Variants in SLIT3 observed in about 807,000 individuals in gnomAD.
SLIT3 encodes slit homolog 3 protein.
SLIT3 carries 68 observed loss-of-function variants against 184.0 expected under a neutral mutation model. The ratio of observed to expected loss-of-function variants is 0.37; its 90% CI spans 0.30 to 0.45. The LOEUF is 0.45. Among genes scored for constraint, SLIT3 ranks in the 20% least tolerant of loss-of-function variants. The probability of loss-of-function intolerance (pLI) is 1.00; values close to 1 mark genes in which losing one functional copy is unlikely to be tolerated. For synonymous variants in SLIT3, 831 were observed against 828.6 expected (o/e 1.00, Z -0.05); for missense variants, 1,707 against 2,026.0 (o/e 0.84, Z 3.02).
intron 5 of SLIT3, among the ~76,000 whole-genome samples, chr5:168,882,379 TAGG>T (rs1211972790): frequency 6.6e-6 from 1 of 152,170 alleles, no homozygotes; most frequent in African/African-American, 2.4e-5. Context: ...AAGGGGTCAG[TAGG>T]AGAAGCCAGG....
chr5:169,012,147 A>G (rs192072641), intron 4 of SLIT3: 1 of 152,286 alleles, frequency 6.6e-6, no homozygotes, highest in African/African-American at 2.4e-5. Flanking sequence ...GGAGATGAGG[A>G]TTTTGATGAT....
intron 1 of SLIT3, among the ~76,000 whole-genome samples, chr5:169,278,905 G>A (rs1440728033): frequency 6.6e-6 from 1 of 152,162 alleles, no homozygotes; most frequent in Admixed American, 6.5e-5. Flanking sequence ...AGATGACACT[G>A]GAGTTGGTTA....
intron 4 of SLIT3, among the ~76,000 whole-genome samples, chr5:168,977,355 T>A (rs1754801305): frequency 6.6e-6 from 1 of 152,208 alleles, no homozygotes; most frequent in Non-Finnish European, 1.5e-5. Flanking sequence ...GATTTGTGGA[T>A]GTTTGGCAGA....
chr5:168,869,088 G>A (rs150157819), intron 5 of SLIT3, among the ~76,000 whole-genome samples: 1 of 152,274 alleles, frequency 6.6e-6, no homozygotes, highest in African/African-American at 2.4e-5. Context: ...GGCAGGACTG[G>A]GCACCCAGTG....
At chr5:169,176,534 A>G (rs1762991185) in intron 4 of SLIT3, among the ~76,000 whole-genome samples, 1 of 152,150 alleles carries the variant, frequency 6.6e-6, no homozygotes, top group South Asian at 2.1e-4. Context: ...ATGGCATTGA[A>G]TTGTTTGAAA....
intron 27 of SLIT3, among the ~76,000 whole-genome samples, chr5:168,696,710 G>A (rs953358339): frequency 6.6e-6 from 1 of 152,130 alleles, no homozygotes; most frequent in Non-Finnish European, 1.5e-5. Context: ...CACCAACAAG[G>A]CCGGTGTCAT....
chr5:168,978,017 C>T (rs1177053704), intron 4 of SLIT3, among the ~76,000 whole-genome samples: 3 of 152,174 alleles, frequency 2.0e-5, no homozygotes, highest in African/African-American at 4.8e-5. Flanking sequence ...AACCTCCCAG[C>T]CTGCAGGACT....
intron 1 of SLIT3, among the ~76,000 whole-genome samples, chr5:169,258,376 A>C (rs2113608589): frequency 6.6e-6 from 1 of 152,240 alleles, no homozygotes; most frequent in East Asian, 1.9e-4. Context: ...ACATACCCTT[A>C]GTAACTTTGC....
chr5:169,121,982 C>T (rs1760892670), intron 4 of SLIT3, among the ~76,000 whole-genome samples: 1 of 152,246 alleles, frequency 6.6e-6, no homozygotes, highest in Non-Finnish European at 1.5e-5. Context: ...CTGGGACACT[C>T]ACTCGGTTTA....
intron 3 of SLIT3, among the ~76,000 whole-genome samples, chr5:169,195,398 A>G (rs1763708748): frequency 6.6e-6 from 1 of 152,212 alleles, no homozygotes; most frequent in Non-Finnish European, 1.5e-5. Context: ...CCTGACAGCC[A>G]TGCAGCGAGT....
chr5:169,165,177 G>C (rs994460695), intron 4 of SLIT3, among the ~76,000 whole-genome samples: 2 of 152,254 alleles, frequency 1.3e-5, no homozygotes, highest in African/African-American at 4.8e-5. Context: ...ACCCAACAGG[G>C]ATGTTGGAAG....
chr5:168,859,727 G>A (rs1009804085), intron 5 of SLIT3, among the ~76,000 whole-genome samples: 1 of 152,138 alleles, frequency 6.6e-6, no homozygotes, highest in East Asian at 1.9e-4. Flanking sequence ...GACGGCATTT[G>A]CTATTTTATG....
chr5:169,092,265 T>C (rs1671467822), intron 4 of SLIT3, among the ~76,000 whole-genome samples: 1 of 152,096 alleles, frequency 6.6e-6, no homozygotes, highest in Non-Finnish European at 1.5e-5. Flanking sequence ...TCAAATCAGA[T>C]TCATATTGAC....
intron 4 of SLIT3, among the ~76,000 whole-genome samples, chr5:169,079,782 AGAG>A (rs145077909): frequency 2.1e-4 from 16 of 75,610 alleles, no homozygotes; most frequent in Non-Finnish European, 2.9e-4. Flanking sequence ...GGGAAGGGGA[AGAG>A]GAGGAGGAGG....
chr5:169,095,937 G>A (rs1209840758), intron 4 of SLIT3, among the ~76,000 whole-genome samples: 4 of 152,152 alleles, frequency 2.6e-5, no homozygotes. Context: ...TGATCATAAT[G>A]CATTCTGTAA....
chr5:168,679,276 T>C (rs1761507331), intron 32 of SLIT3, among the ~76,000 whole-genome samples: 1 of 152,142 alleles, frequency 6.6e-6, no homozygotes, highest in South Asian at 2.1e-4. Context: ...CAGGATACTC[T>C]CAAACTCCTG....
chr5:168,875,687 A>C (rs183632518), intron 5 of SLIT3, among the ~76,000 whole-genome samples: 2 of 151,916 alleles, frequency 1.3e-5, no homozygotes, highest in East Asian at 3.9e-4. Context: ...AGAAAAAGAA[A>C]AAGAAATGAA....
chr5:168,683,080 G>A (rs1761637389), intron 32 of SLIT3, among the ~76,000 whole-genome samples: 3 of 151,872 alleles, frequency 2.0e-5, no homozygotes, highest in Admixed American at 1.3e-4. Context: ...AAAAGTGAGC[G>A]GTTGGCTGGG....
At chr5:168,821,300 A>G (rs939366591) in intron 7 of SLIT3, among the ~76,000 whole-genome samples, 3 of 152,232 alleles carry the variant, frequency 2.0e-5, no homozygotes, top group African/African-American at 7.2e-5. Flanking sequence ...TCTAAACTGA[A>G]AATAACAAAG....
Sources: allele counts gnomAD v4.1 joint callset (sites outside exome capture counted in the v4.1 genomes callset), GRCh38; gene constraint gnomAD v4.1.1; transcripts MANE v1.5; gene names NCBI Gene and HGNC (gene_info 2026-07-23, HGNC 2026-07-21).